C19orf12: variants seen among roughly 807,000 people sequenced by gnomAD.
C19orf12 encodes the protein chromosome 19 open reading frame 12.
In C19orf12, 2 loss-of-function variants were observed where a neutral mutation model predicts 3.8. The observed-to-expected ratio is 0.53, with a 90% CI of 0.22 to 1.66. C19orf12 has a LOEUF of 1.66. Ranked by LOEUF, C19orf12 falls within the 40% of genes most tolerant of loss-of-function variation. The pLI is 0.20. For synonymous variants in C19orf12, 89 were observed against 84.6 expected (o/e 1.05, Z -0.28); for missense variants, 156 against 188.8 (o/e 0.83, Z 1.02).
chr19:29,708,754 G>A (rs1213629364), intron 1 of C19orf12: 2 of 389,856 alleles, frequency 5.1e-6, no homozygotes, highest in Non-Finnish European at 9.8e-6. Context: ...GACCCTTCTG[G>A]CATTAGTGGC....
Position 29,706,528 on chromosome 19 carries a change from A to G in C19orf12, c.160+1726T>C, listed in dbSNP as rs59718353. 9.6e-3 allele frequency among the ~76,000 whole-genome samples: 1,468 copies of G among 152,272 alleles called. 24 individuals carry two copies. Among genetic ancestry groups the G allele is most frequent in the African/African-American group, 0.034 (1,404 of 41,556 alleles). ...TGTGCTCCCAAAATAGCATCTGGGC[A>G]CAGCTATATGACAAAATGATCCCCA... On this transcript the variant is annotated intron_variant, in intron 2 of 2. Transcript: ENST00000323670.
At chr19:29,713,170 G>T (rs748773515) in intron 1 of C19orf12, among the ~76,000 whole-genome samples, 4 of 152,138 alleles carry the variant, frequency 2.6e-5, no homozygotes, top group Non-Finnish European at 4.4e-5. Flanking sequence ...TTCTCCCACC[G>T]CAAGGCTGCC....
upstream of C19orf12, chr19:29,715,736 G>C (rs1258139511): frequency 6.4e-6 from 1 of 156,512 alleles, no homozygotes; most frequent in East Asian, 1.9e-4. Flanking sequence ...CTGTTCCAGA[G>C]CCTGCTCTGG....
rs755378011 is a variant in C19orf12, at chr19:29,702,341, C to T, written c.*371G>A. ...GTCATCTCCCAAGATGAGAAGGCCC[C>T]GGGGGGAGGATGAAGTGTGGTCAGA... On this transcript the variant is annotated 3_prime_UTR_variant, in exon 3 of 3. Coordinates refer to ENST00000323670, the MANE Select transcript of C19orf12 (RefSeq NM_031448.6). 5 of 482,994 alleles carry T rather than the reference C, an allele frequency of 1.0e-5. No individual in the cohort carries two copies. Among genetic ancestry groups the T allele is most frequent in the African/African-American group, 1.9e-5 (1 of 51,282 alleles). The allele number at this position is 482,994 out of a possible 1,614,324, so 29.9% of individuals were successfully genotyped here.
chr19:29,710,038 A>G (rs1331904759), intron 1 of C19orf12, among the ~76,000 whole-genome samples: 1 of 151,470 alleles, frequency 6.6e-6, no homozygotes, highest in East Asian at 2.0e-4. Context: ...CGCTCAGCTA[A>G]TTTTTTGTTT....
intron 1 of C19orf12, chr19:29,708,644 T>G (rs1159677842): frequency 6.5e-6 from 4 of 612,178 alleles, no homozygotes; most frequent in South Asian, 3.7e-5. Flanking sequence ...GCTGAGTGGA[T>G]GAAAGGTCTT....
At position 29,699,953 on chromosome 19, in the gene C19orf12, A is replaced by T. The variant is rs1971989727; in HGVS notation, c.*2759T>A. ...GCTTTCGGCTCCTGGGGGAGATAAG[A>T]CTCCAGGTTCAGGCTGCCCTTTTAG... On this transcript the variant is annotated 3_prime_UTR_variant, in exon 3 of 3. Transcript: ENST00000323670. 2.2e-6 allele frequency: 1 copy of T among 453,824 alleles called. No homozygotes were observed. The highest frequency in any genetic ancestry group is 2.0e-5 in the African/African-American group (1 of 49,944). 28.1% of individuals were successfully genotyped at this position (453,824 alleles called of 1,614,324 possible). A position where few individuals can be genotyped will look rare whatever the true frequency, so the allele number is the denominator to read the frequency against.
rs538461165 is a variant in C19orf12 at position 29,707,670 on chromosome 19, A to G, written c.160+584T>C. 1.3e-3 allele frequency among the ~76,000 whole-genome samples: 202 copies of G among 152,248 alleles called. 1 individual carries two copies. Among genetic ancestry groups the G allele is most frequent in the African/African-American group, 4.7e-3 (194 of 41,550 alleles). On this transcript the variant is annotated intron_variant, in intron 2 of 2. Coordinates refer to ENST00000323670, the MANE Select transcript of C19orf12 (RefSeq NM_031448.6). ...TGGGGGAAAGATGCCTCTAGGCCCAAATGACACAGATGCCATTTACAAGAG... is the reference window on the plus strand; with the variant it reads ...TGGGGGAAAGATGCCTCTAGGCCCAGATGACACAGATGCCATTTACAAGAG...
At chr19:29,712,351 A>T (rs557712753) in intron 1 of C19orf12, among the ~76,000 whole-genome samples, 1 of 152,146 alleles carries the variant, frequency 6.6e-6, no homozygotes, top group Non-Finnish European at 1.5e-5. Context: ...GGTTGCAGTG[A>T]GCTGAGATCA....
chr19:29,704,704 G>A (rs1972282688), intron 2 of C19orf12, among the ~76,000 whole-genome samples: 1 of 152,190 alleles, frequency 6.6e-6, no homozygotes, highest in African/African-American at 2.4e-5. Context: ...GCCTCCAAGA[G>A]CCAGGGAGGA....
At chr19:29,711,036 GTTTTTTTTT>G (rs781530564) in intron 1 of C19orf12, among the ~76,000 whole-genome samples, 3 of 98,274 alleles carry the variant, frequency 3.1e-5, no homozygotes, top group African/African-American at 8.6e-5. Context: ...ATACAGAGAG[GTTTTTTTTT>G]TTTTTTTTTT....
At chr19:29,712,457 TAAG>T (rs1657547743) in intron 1 of C19orf12, among the ~76,000 whole-genome samples, 1 of 151,852 alleles carries the variant, frequency 6.6e-6, no homozygotes, top group Non-Finnish European at 1.5e-5. Context: ...ATGGCACTGA[TAAG>T]AAGAGCTACC....
Position 29,699,621 on chromosome 19 carries a change from T to A in C19orf12, c.*3091A>T, listed in dbSNP as rs1175463014. 9 of 453,766 alleles carry A rather than the reference T, an allele frequency of 2.0e-5. No homozygotes were observed. The highest frequency in any genetic ancestry group is 3.5e-5 in the Non-Finnish European group (8 of 226,780). The allele number at this position is 453,766 out of a possible 1,614,324, so 28.1% of individuals were successfully genotyped here. A position where few individuals can be genotyped will look rare whatever the true frequency, so the allele number is the denominator to read the frequency against. On this transcript the variant is annotated 3_prime_UTR_variant, in exon 3 of 3. Coordinates refer to ENST00000323670, the MANE Select transcript of C19orf12 (RefSeq NM_031448.6). ...GTAGTTTTTATTTCATTATATTTTC[T>A]GGGTTTTTCTAGGTTTTCAGCAACA... is the stretch of plus-strand genomic sequence containing the variant.
At position 29,699,047 on chromosome 19, in the gene C19orf12, T is replaced by C. The variant is rs1025811178; in HGVS notation, c.*3665A>G. 2.2e-6 allele frequency: 1 copy of C among 453,836 alleles called. No individual in the cohort carries two copies. The highest frequency in any genetic ancestry group is 2.0e-5 in the African/African-American group (1 of 49,952). The allele number at this position is 453,836 out of a possible 1,614,324, so 28.1% of individuals were successfully genotyped here. On this transcript the variant is annotated 3_prime_UTR_variant, in exon 3 of 3. Coordinates refer to ENST00000323670, the MANE Select transcript of C19orf12 (RefSeq NM_031448.6). The stretch of plus-strand genomic sequence containing the variant: ...ACACCAGGCACATGGTTAGGCACAG[T>C]GGAATATTATGCAGCCATTACAAAT...
rs1191022821 is a variant in C19orf12, at chr19:29,700,385, G to A, written c.*2327C>T. The A allele has an allele frequency of 2.2e-6, 1 of 453,976 alleles. No homozygotes were observed. Among genetic ancestry groups the A allele is most frequent in the East Asian group, 6.9e-5 (1 of 14,406 alleles). The allele number at this position is 453,976 out of a possible 1,614,324, so 28.1% of individuals were successfully genotyped here. ...ATCTTTGTTGAGGTTTCATTCTCAC[G>A]ATATCTGCAAATCAACGTTTTTTCC... is the stretch of plus-strand genomic sequence containing the variant. On this transcript the variant is annotated 3_prime_UTR_variant, in exon 3 of 3. Transcript: ENST00000323670.
At chr19:29,711,845 G>A (rs1483132608) in intron 1 of C19orf12, among the ~76,000 whole-genome samples, 2 of 152,182 alleles carry the variant, frequency 1.3e-5, no homozygotes, top group Non-Finnish European at 2.9e-5. Flanking sequence ...CTAAAGAGAT[G>A]TCCTTGCAAA....
In C19orf12 at chr19:29,704,373, A is replaced by C. The variant is rs59855793; in HGVS notation, c.161-1396T>G. ...AATCCCAGCTACTGGCTGAGGCAGG[A>C]GAATCACTTGAACCCGGGAGGCAGA... On this transcript the variant is annotated intron_variant, in intron 2 of 2. Transcript: ENST00000323670. Among the ~76,000 whole-genome samples the C allele has an allele frequency of 1.7e-3, 259 of 152,210 alleles. 1 individual carries two copies. In the East Asian group the frequency reaches 0.035, roughly 21 times the overall value.
chr19:29,700,329 T>C lies in C19orf12; in HGVS notation c.*2383A>G. 1 of 454,144 alleles carries C rather than the reference T, an allele frequency of 2.2e-6. No individual in the cohort carries two copies. The highest frequency in any genetic ancestry group is 1.6e-5 in the South Asian group (1 of 64,482). 28.1% of individuals were successfully genotyped at this position (454,144 alleles called of 1,614,324 possible). ...TGGCATTTGTTCAACATGGAAAAAG[T>C]GTCCCCCAACTTTGAAGCACTGAAC... On this transcript the variant is annotated 3_prime_UTR_variant, in exon 3 of 3. Coordinates refer to ENST00000323670, the MANE Select transcript of C19orf12 (RefSeq NM_031448.6).
At chr19:29,714,723 C>A in intron 1 of C19orf12, among the ~76,000 whole-genome samples, 2 of 125,206 alleles carry the variant, frequency 1.6e-5, no homozygotes, top group South Asian at 3.0e-4. Flanking sequence ...CTCTACCCCA[C>A]CCCTACCCAT....
Sources: allele counts gnomAD v4.1 joint callset (sites outside exome capture counted in the v4.1 genomes callset), GRCh38; gene constraint gnomAD v4.1.1; transcripts MANE v1.5; gene names NCBI Gene and HGNC (gene_info 2026-07-23, HGNC 2026-07-21).